Variants in TKFC observed in about 807,000 individuals in gnomAD.
The protein encoded by TKFC is triokinase/FMN cyclase.
A neutral mutation model predicts 61.0 loss-of-function variants in TKFC; 46 were observed. That is an observed-to-expected ratio of 0.75 (90% CI 0.60 to 0.96). The LOEUF (loss-of-function observed/expected upper bound fraction) is 0.96. TKFC is among the 50% of genes least tolerant of loss of function. The pLI, the probability that TKFC is intolerant of heterozygous loss-of-function variation, is 0.00. For missense variants in TKFC, 715 were observed against 777.5 expected (o/e 0.92, Z 0.96); for synonymous variants, 314 against 330.1 (o/e 0.95, Z 0.53).
At chr11:61,341,024 A>G (rs898932773) in intron 5 of TKFC, among the ~76,000 whole-genome samples, 1 of 151,800 alleles carries the variant, frequency 6.6e-6, no homozygotes, top group African/African-American at 2.4e-5. Flanking sequence ...TTTCCTTTTC[A>G]GCATATACTA....
In TKFC at chr11:61,347,200, C is replaced by T. The variant is rs747706693; in HGVS notation, c.*697C>T. Reference sequence around the variant, plus strand: ...GGGAGTCGAATGGGCATTTGGGACACCAGAAGGAAAAGAAATCATCATAGT... The same window carrying T: ...GGGAGTCGAATGGGCATTTGGGACATCAGAAGGAAAAGAAATCATCATAGT... On this transcript the variant is annotated 3_prime_UTR_variant, in exon 18 of 18. Transcript: ENST00000394900. 1.3e-5 allele frequency: 13 copies of T among 985,308 alleles called. No homozygotes were observed. The highest frequency in any genetic ancestry group is 1.4e-5 in the Non-Finnish European group (12 of 829,946). 61.0% of individuals were successfully genotyped at this position (985,308 alleles called of 1,614,324 possible).
chr11:61,349,266 T>G (rs1857285227), downstream of TKFC: 3 of 416,832 alleles, frequency 7.2e-6, no homozygotes, highest in South Asian at 7.3e-5. Context: ...CAAGCAGCCA[T>G]GGTGGGGCCA....
chr11:61,350,525 C>T (rs986373386), downstream of TKFC: 7 of 1,438,380 alleles, frequency 4.9e-6, no homozygotes, highest in Non-Finnish European at 6.7e-6. Context: ...TGGTCCCCAT[C>T]CAAGCCACCA....
downstream of TKFC, chr11:61,350,378 T>C: frequency 1.9e-6 from 3 of 1,607,350 alleles, no homozygotes; most frequent in East Asian, 2.2e-5. Flanking sequence ...CAGGAGCTCT[T>C]GGGAGCCCCT....
At chr11:61,352,428 G>C (rs896259721), downstream of TKFC, 7 of 156,358 alleles carry the variant, frequency 4.5e-5, no homozygotes, top group South Asian at 1.3e-3. Context: ...CTGGGAGGCC[G>C]AGGCGGGCAG....
Position 61,346,573 on chromosome 11 carries a change from T to C in TKFC, c.*70T>C. 1 of 1,517,042 alleles carries C rather than the reference T, an allele frequency of 6.6e-7. No individual in the cohort carries two copies. Among genetic ancestry groups the C allele is most frequent in the South Asian group, 1.3e-5 (1 of 79,786 alleles). 94.0% of individuals were successfully genotyped at this position (1,517,042 alleles called of 1,614,324 possible). ...GCTGAGGTGGCCTTTGTCACTTCCT[T>C]CTGCCTTCCAACCCTCACCTTCCCC... On this transcript the variant is annotated 3_prime_UTR_variant, in exon 18 of 18. Transcript: ENST00000394900. The surrounding 1 kb of genome is among the most constrained non-coding windows in gnomAD (Gnocchi z 4.1).
intron 10 of TKFC, 99 bp from the exon 11 acceptor site, chr11:61,343,243 G>T: frequency 1.8e-6 from 2 of 1,122,642 alleles, no homozygotes; most frequent in South Asian, 2.7e-5. Flanking sequence ...TCTCCCTCCC[G>T]ACCTCAGAGC....
In TKFC at chr11:61,347,538, CAAAAAAAAAAA is replaced by C. The variant is rs10594002; in HGVS notation, c.*1047_*1057del. 0.057 allele frequency: 33,011 copies of C among 583,626 alleles called. No homozygotes were observed. Among genetic ancestry groups the C allele is most frequent in the Non-Finnish European group, 0.066 (30,641 of 464,614 alleles). The allele number at this position is 583,626 out of a possible 1,614,324, so 36.2% of individuals were successfully genotyped here. On this transcript the variant is annotated 3_prime_UTR_variant, in exon 18 of 18. Transcript: ENST00000394900. ...TGGGCAACAAAGCGAGACCCTGTCT[CAAAAAAAAAAA>C]AAAAAAAAAAAGAAACTGCAGCCAA...
chr11:61,341,934 C>T (rs764735611), intron 7 of TKFC, 22 bp downstream of exon 7: 20 of 1,602,956 alleles, frequency 1.2e-5, no homozygotes, highest in East Asian at 2.2e-5. Flanking sequence ...GCCATCCATC[C>T]CAGCCCTGCC....
Position 61,346,074 on chromosome 11 carries a change from G to T in TKFC, c.1575+128G>T, listed in dbSNP as rs539135615. ...GTTTCCTTCTCTGTACAATGGAGAT[G>T]AGCACCTATCTCAGAAGGTGGTTAT... is the stretch of plus-strand genomic sequence containing the variant. On this transcript the variant is annotated intron_variant, in intron 17 of 17. Coordinates refer to ENST00000394900, the MANE Select transcript of TKFC (RefSeq NM_015533.4). This position sits in a 1 kb window ranked among gnomAD's most constrained non-coding sequence, Gnocchi z 4.1. 8.7e-7 allele frequency: 1 copy of T among 1,144,194 alleles called. No homozygotes were observed. The highest frequency in any genetic ancestry group is 2.5e-5 in the East Asian group (1 of 39,522). 70.9% of individuals were successfully genotyped at this position (1,144,194 alleles called of 1,614,324 possible). A position where few individuals can be genotyped will look rare whatever the true frequency, so the allele number is the denominator to read the frequency against.
At chr11:61,349,550 G>C, downstream of TKFC, 1 of 702,992 alleles carries the variant, frequency 1.4e-6, no homozygotes, top group Non-Finnish European at 2.6e-6. Context: ...GTTCTTGGGA[G>C]AGCAGGTCAC....
chr11:61,336,471 G>T (rs1856611419), intron 2 of TKFC: 1 of 152,328 alleles, frequency 6.6e-6, no homozygotes, highest in Non-Finnish European at 1.5e-5. Flanking sequence ...AGGGGCTGCA[G>T]CCCTTGTTCA....
intron 2 of TKFC, among the ~76,000 whole-genome samples, chr11:61,337,591 G>A (rs1565046878): frequency 1.3e-5 from 2 of 152,162 alleles, no homozygotes; most frequent in Non-Finnish European, 2.9e-5. Flanking sequence ...TCAGCCTGAG[G>A]CTTTTCTTCC....
At chr11:61,352,963 T>C, downstream of TKFC, 1 of 1,614,014 alleles carries the variant, frequency 6.2e-7, no homozygotes. Flanking sequence ...CACCTTAGAG[T>C]TGGGGACCCC....
chr11:61,346,442 A>AC lies in TKFC; in HGVS notation c.1671dup (p.Gly558ArgfsTer114), dbSNP rs778826243. ...AGCTCAGCACGGCTGGAGCAGCCAGACCCCGGGGCGGTGGCAGCTGCTGCC... is the reference window on the plus strand; with the variant it reads ...AGCTCAGCACGGCTGGAGCAGCCAGACCCCCGGGGCGGTGGCAGCTGCTGCC... On this transcript the variant is annotated frameshift_variant, in exon 18 of 18. Coordinates refer to ENST00000394900, the MANE Select transcript of TKFC (RefSeq NM_015533.4). LOFTEE classifies it high-confidence loss of function. The surrounding 1 kb of genome is among the most constrained non-coding windows in gnomAD (Gnocchi z 4.1). The AC allele has an allele frequency of 6.2e-7, 1 of 1,610,820 alleles. No homozygotes were observed. Among genetic ancestry groups the AC allele is most frequent in the South Asian group, 1.1e-5 (1 of 91,038 alleles).
chr11:61,337,913 T>C (rs1285973679), intron 2 of TKFC, 28 bp from the exon 3 acceptor site: 1 of 1,580,128 alleles, frequency 6.3e-7, no homozygotes, highest in Non-Finnish European at 8.6e-7. Context: ...GACCACATTC[T>C]GACCTCCTTC....
In TKFC at chr11:61,346,783, G is replaced by T; in HGVS notation, c.*280G>T. 4.2e-6 allele frequency: 5 copies of T among 1,203,492 alleles called. No individual in the cohort carries two copies. Among genetic ancestry groups the T allele is most frequent in the Non-Finnish European group, 5.2e-6 (5 of 967,158 alleles). The allele number at this position is 1,203,492 out of a possible 1,614,324, so 74.6% of individuals were successfully genotyped here. A position where few individuals can be genotyped will look rare whatever the true frequency, so the allele number is the denominator to read the frequency against. On this transcript the variant is annotated 3_prime_UTR_variant, in exon 18 of 18. Transcript: ENST00000394900. The surrounding 1 kb of genome is among the most constrained non-coding windows in gnomAD (Gnocchi z 4.1). ...TCCCCTGCCAGCTCTGGGCTTCAGA[G>T]ATAAGGCATTTTCCTTGTGCAGCCT... is the stretch of plus-strand genomic sequence containing the variant.
Position 61,346,775 on chromosome 11 carries a change from G to A in TKFC, c.*272G>A. On this transcript the variant is annotated 3_prime_UTR_variant, in exon 18 of 18. Coordinates refer to ENST00000394900, the MANE Select transcript of TKFC (RefSeq NM_015533.4). The surrounding 1 kb of genome is among the most constrained non-coding windows in gnomAD (Gnocchi z 4.1). ...TCATGCCCTCCCCTGCCAGCTCTGG[G>A]CTTCAGAGATAAGGCATTTTCCTTG... The A allele has an allele frequency of 1.6e-6, 2 of 1,218,440 alleles. No individual in the cohort carries two copies. Among genetic ancestry groups the A allele is most frequent in the Non-Finnish European group, 2.0e-6 (2 of 976,334 alleles). 75.5% of individuals were successfully genotyped at this position (1,218,440 alleles called of 1,614,324 possible).
In TKFC at chr11:61,347,312, C is replaced by T; in HGVS notation, c.*809C>T. On this transcript the variant is annotated 3_prime_UTR_variant, in exon 18 of 18. Transcript: ENST00000394900. The stretch of plus-strand genomic sequence containing the variant: ...ATCCCAGCACTTTGGGAGGCCAAGG[C>T]AGGCGGATCCCTTACACTCAGGAGT... The T allele has an allele frequency of 4.1e-6, 4 of 972,122 alleles. No homozygotes were observed. The highest frequency in any genetic ancestry group is 3.7e-6 in the Non-Finnish European group (3 of 817,858). The allele number at this position is 972,122 out of a possible 1,614,324, so 60.2% of individuals were successfully genotyped here. A position where few individuals can be genotyped will look rare whatever the true frequency, so the allele number is the denominator to read the frequency against.
Sources: gnomAD v4.1 joint callset for allele counts (sites outside exome capture counted in the v4.1 genomes callset) on GRCh38, gnomAD v4.1.1 for gene constraint, Gnocchi (gnomAD v3.1) non-coding constraint, MANE v1.5 for transcripts, NCBI Gene and HGNC (gene_info 2026-07-23, HGNC 2026-07-21) for gene names.